Variants in ANTXR2 observed in about 807,000 individuals in gnomAD.
The protein encoded by ANTXR2 is anthrax toxin receptor 2.
ANTXR2 carries 44 observed loss-of-function variants against 73.7 expected under a neutral mutation model. That is an observed-to-expected ratio of 0.60 (90% CI 0.47 to 0.77). The LOEUF is 0.77. Among genes scored for constraint, ANTXR2 ranks in the 30% least tolerant of loss-of-function variants. The pLI is 0.00. For synonymous variants in ANTXR2, 217 were observed against 205.9 expected (o/e 1.05, Z -0.46); for missense variants, 604 against 592.5 (o/e 1.02, Z -0.20).
chr4:79,979,443 G>T (rs1409329441), intron 14 of ANTXR2, among the ~76,000 whole-genome samples: 3 of 151,984 alleles, frequency 2.0e-5, no homozygotes, highest in Non-Finnish European at 4.4e-5. Flanking sequence ...GCATTTTAAT[G>T]ATCTGAATTA....
intron 16 of ANTXR2, among the ~76,000 whole-genome samples, chr4:79,914,528 C>T: frequency 6.6e-6 from 1 of 152,110 alleles, no homozygotes; most frequent in East Asian, 1.9e-4. Flanking sequence ...TTAACCTCTA[C>T]AATCCTCCAA....
chr4:80,044,201 A>C (rs1371493927), intron 7 of ANTXR2, among the ~76,000 whole-genome samples: 1 of 151,984 alleles, frequency 6.6e-6, no homozygotes, highest in Non-Finnish European at 1.5e-5. Flanking sequence ...TAGCAAAAAT[A>C]ACCAGAAATC....
chr4:80,011,305 ATCTATCTATCTG>A, intron 11 of ANTXR2, among the ~76,000 whole-genome samples: 1 of 104,014 alleles, frequency 9.6e-6, no homozygotes, highest in African/African-American at 2.7e-5. Flanking sequence ...CTATCTATCT[ATCTATCTATCTG>A]TCTATCATCT....
At chr4:79,974,007 A>G (rs1039081522) in intron 16 of ANTXR2, among the ~76,000 whole-genome samples, 1 of 152,210 alleles carries the variant, frequency 6.6e-6, no homozygotes, top group Non-Finnish European at 1.5e-5. Flanking sequence ...GGATGGGTGA[A>G]TAGATAGATA....
At chr4:79,977,741 C>G in intron 15 of ANTXR2, 40 bp from the exon 16 acceptor site, 1 of 1,505,772 alleles carries the variant, frequency 6.6e-7, no homozygotes, top group African/African-American at 1.4e-5. Context: ...AGAGAATGTA[C>G]TCAATCTCTA....
Position 80,072,803 on chromosome 4 carries a change from T to G in ANTXR2, c.-243A>C. On this transcript the variant is annotated 5_prime_UTR_variant, in exon 1 of 17. Coordinates refer to ENST00000403729, the MANE Select transcript of ANTXR2 (RefSeq NM_058172.6). ...CGCCGGAACTCTTGACGAATCCCAG[T>G]GGAAGCGCGATCCAGTCCTCCCCCT... 1.9e-6 allele frequency: 2 copies of G among 1,046,628 alleles called. No individual in the cohort carries two copies. The highest frequency in any genetic ancestry group is 2.5e-6 in the Non-Finnish European group (2 of 807,650). 64.8% of individuals were successfully genotyped at this position (1,046,628 alleles called of 1,614,324 possible).
chr4:79,986,809 C>T (rs1244691919), intron 12 of ANTXR2, among the ~76,000 whole-genome samples: 1 of 152,122 alleles, frequency 6.6e-6, no homozygotes, highest in African/African-American at 2.4e-5. Context: ...TGTTTGACCT[C>T]GAGAGGTCAA....
At chr4:79,961,813 G>A (rs1365043186) in intron 16 of ANTXR2, among the ~76,000 whole-genome samples, 1 of 152,204 alleles carries the variant, frequency 6.6e-6, no homozygotes, top group East Asian at 1.9e-4. Flanking sequence ...CCAGTGCATT[G>A]AGAAGAGGTA....
chr4:79,946,282 T>C (rs994654062), intron 16 of ANTXR2, among the ~76,000 whole-genome samples: 9 of 152,160 alleles, frequency 5.9e-5, no homozygotes, highest in African/African-American at 2.2e-4. Context: ...GTCGTGTGCC[T>C]CTGCAAACAA....
At chr4:79,952,249 T>C (rs1728735741) in intron 16 of ANTXR2, among the ~76,000 whole-genome samples, 1 of 151,198 alleles carries the variant, frequency 6.6e-6, no homozygotes, top group Non-Finnish European at 1.5e-5. Flanking sequence ...GAATCCATCT[T>C]GACTATACAA....
In ANTXR2 at chr4:79,905,797, G is replaced by C. The variant is rs1726880775; in HGVS notation, c.*1632C>G. 1 of 152,522 alleles carries C rather than the reference G, an allele frequency of 6.6e-6. No homozygotes were observed. Among genetic ancestry groups the C allele is most frequent in the African/African-American group, 2.4e-5 (1 of 41,414 alleles). 9.4% of individuals were successfully genotyped at this position (152,522 alleles called of 1,614,324 possible). A position where few individuals can be genotyped will look rare whatever the true frequency, so the allele number is the denominator to read the frequency against. On this transcript the variant is annotated 3_prime_UTR_variant, in exon 17 of 17. Transcript: ENST00000403729. ...AAATTTCCATTAAGAGCACAATGGG[G>C]GTAATTATACCAGGATGCTCCAATC...
intron 16 of ANTXR2, among the ~76,000 whole-genome samples, chr4:79,943,879 T>C (rs1217387475): frequency 1.3e-5 from 2 of 151,864 alleles, no homozygotes; most frequent in Non-Finnish European, 2.9e-5. Context: ...TCCTCATTTC[T>C]AGGAACTGGA....
intron 3 of ANTXR2, among the ~76,000 whole-genome samples, chr4:80,067,259 C>T (rs538023750): frequency 6.6e-6 from 1 of 151,910 alleles, no homozygotes; most frequent in Non-Finnish European, 1.5e-5. Context: ...ATCTCAGTGT[C>T]TCCCCTATTA....
chr4:79,945,828 C>A (rs1301795249), intron 16 of ANTXR2, among the ~76,000 whole-genome samples: 2 of 151,998 alleles, frequency 1.3e-5, no homozygotes, highest in African/African-American at 4.8e-5. Context: ...ATATTTGTTC[C>A]TACAAATAAA....
At chr4:79,922,756 G>A (rs1727637784) in intron 16 of ANTXR2, among the ~76,000 whole-genome samples, 1 of 151,952 alleles carries the variant, frequency 6.6e-6, no homozygotes, top group South Asian at 2.1e-4. Flanking sequence ...GTCAAATATT[G>A]GGTCCAGAGC....
In ANTXR2 at chr4:80,046,551, A is replaced by C. The variant is rs552877402; in HGVS notation, c.636+7721T>G. The stretch of plus-strand genomic sequence containing the variant: ...TAATTTTCACTCTGATGCAAACATT[A>C]TTTTGTATTAGCCTTATTTGCCCAC... On this transcript the variant is annotated intron_variant, in intron 7 of 16. Transcript: ENST00000403729. Among the ~76,000 whole-genome samples the C allele has an allele frequency of 3.9e-5, 6 of 151,964 alleles. No individual in the cohort carries two copies. The South Asian group carries it at 1.2e-3, about 31-fold the overall frequency.
At chr4:79,996,991 A>C (rs1317247632) in intron 12 of ANTXR2, among the ~76,000 whole-genome samples, 1 of 151,562 alleles carries the variant, frequency 6.6e-6, no homozygotes, top group African/African-American at 2.4e-5. Context: ...TATTATCATC[A>C]TCAGGAAGGA....
chr4:80,038,127 C>T (rs972627217), intron 7 of ANTXR2, among the ~76,000 whole-genome samples: 7 of 151,960 alleles, frequency 4.6e-5, no homozygotes, highest in Admixed American at 3.9e-4. Flanking sequence ...TCTGCAATTC[C>T]TCAGAATAAA....
chr4:79,967,044 G>A lies in ANTXR2; in HGVS notation c.1428+10577C>T, dbSNP rs1729398461. Among the ~76,000 whole-genome samples, 2 of 73,418 alleles carry A rather than the reference G, an allele frequency of 2.7e-5. 1 individual carries two copies. The highest frequency in any genetic ancestry group is 6.8e-5 in the Non-Finnish European group (2 of 29,552). The allele number at this position is 73,418 out of a possible 152,430, so 48.2% of individuals were successfully genotyped here. A position where few individuals can be genotyped will look rare whatever the true frequency, so the allele number is the denominator to read the frequency against. On this transcript the variant is annotated intron_variant, in intron 16 of 16. Coordinates refer to ENST00000403729, the MANE Select transcript of ANTXR2 (RefSeq NM_058172.6). The stretch of plus-strand genomic sequence containing the variant: ...CACTAGGGAGTGCCAGACAGTGGGC[G>A]CAGGCCAGTGTGTGTGCGCACCGTG...
Sources: gnomAD v4.1 joint callset for allele counts (sites outside exome capture counted in the v4.1 genomes callset) on GRCh38, gnomAD v4.1.1 for gene constraint, MANE v1.5 for transcripts, NCBI Gene and HGNC (gene_info 2026-07-23, HGNC 2026-07-21) for gene names.